FHDC1: variants seen among roughly 807,000 people sequenced by gnomAD.
The protein encoded by FHDC1 is FH2 domain containing 1, also known as FH2 domain-containing protein 1.
In FHDC1, 25 loss-of-function variants were observed where a neutral mutation model predicts 52.6. That is an observed-to-expected ratio of 0.48 (90% CI 0.35 to 0.66). The LOEUF is 0.66. FHDC1 is among the 30% of genes least tolerant of loss of function. The pLI is 0.01. For missense variants in FHDC1, 1,459 were observed against 1,452.8 expected (o/e 1.00, Z -0.07); for synonymous variants, 616 against 581.5 (o/e 1.06, Z -0.85).
intron 1 of FHDC1, among the ~76,000 whole-genome samples, chr4:152,938,386 C>A (rs1181717706): frequency 6.6e-6 from 1 of 151,896 alleles, no homozygotes; most frequent in African/African-American, 2.4e-5. Flanking sequence ...CACAGGCAGA[C>A]GGAACTCACA....
intron 4 of FHDC1, among the ~76,000 whole-genome samples, 163 bp from the exon 5 acceptor site, chr4:152,960,402 C>T (rs1740243058): frequency 6.6e-6 from 1 of 152,064 alleles, no homozygotes; most frequent in Admixed American, 6.5e-5. Flanking sequence ...TTAAAAAAAC[C>T]AAATAGCAGA....
chr4:152,920,927 A>G, the FHDC1 span, among the ~76,000 whole-genome samples: 4 of 151,740 alleles, frequency 2.6e-5, no homozygotes, highest in African/African-American at 4.8e-5. Flanking sequence ...TTGATCATAT[A>G]TAAGTTTTTT....
At chr4:152,937,209 G>C (rs989900289) in intron 1 of FHDC1, among the ~76,000 whole-genome samples, 12 of 152,076 alleles carry the variant, frequency 7.9e-5, no homozygotes, top group Admixed American at 7.2e-4. Flanking sequence ...CGGCCGTGAG[G>C]CTTTTCCCCC....
In FHDC1 at chr4:152,976,140, C is replaced by A. The variant is rs780314192; in HGVS notation, c.2849C>A (p.Thr950Lys). 7.4e-6 allele frequency: 12 copies of A among 1,611,492 alleles called. No individual in the cohort carries two copies. The highest frequency in any genetic ancestry group is 1.0e-5 in the Non-Finnish European group (12 of 1,179,224). ...CAGAACTCCGTGCGGAGGGCCTCCACAGGCGCCGAAGAGCAGAGGCTGCCG... is the reference window on the plus strand; with the variant it reads ...CAGAACTCCGTGCGGAGGGCCTCCAAAGGCGCCGAAGAGCAGAGGCTGCCG... ...SRQNSVRRASTGAEEQRLPRG... is the reference protein window; with the variant it reads ...SRQNSVRRASKGAEEQRLPRG... Residue 950 changes from threonine (T) to lysine (K), a missense_variant, in exon 12 of 12, where the codon ACA becomes AAA. Thr to Lys is a moderately conservative substitution (Grantham distance 78). Around this residue, in one of 3 missense-constraint regions of FHDC1, gnomAD observed 939 missense variants for 854.5 expected, o/e 1.10. Coordinates refer to ENST00000511601, the MANE Select transcript of FHDC1 (RefSeq NM_001371116.1).
At chr4:152,940,042 A>G (rs4405994) in intron 1 of FHDC1, among the ~76,000 whole-genome samples, 57,484 of 152,114 alleles carry the variant, frequency 0.38, 11,901 homozygotes, top group Admixed American at 0.49. Flanking sequence ...TTGCATCTCT[A>G]CTGCGGGCAG....
At chr4:152,929,310 C>G in the FHDC1 span, among the ~76,000 whole-genome samples, 1 of 152,112 alleles carries the variant, frequency 6.6e-6, no homozygotes, top group Non-Finnish European at 1.5e-5. This position sits in a 1 kb window ranked among gnomAD's most constrained non-coding sequence, Gnocchi z 4.1. Context: ...CTTGGTCTGG[C>G]TTAGTGAAAC....
intron 2 of FHDC1, among the ~76,000 whole-genome samples, chr4:152,949,127 G>T (rs11099860): frequency 0.12 from 4,059 of 34,082 alleles, 59 homozygotes; most frequent in Middle Eastern, 0.16. Context: ...ATAATAATAA[G>T]AAGAAGAAGA....
At chr4:152,958,051 G>A (rs1476834671) in intron 4 of FHDC1, among the ~76,000 whole-genome samples, 1 of 152,178 alleles carries the variant, frequency 6.6e-6, no homozygotes, top group Admixed American at 6.5e-5. Context: ...CCACCTTCTT[G>A]GTTGACTCTG....
In FHDC1 at chr4:152,975,017, C is replaced by A. The variant is rs776420223; in HGVS notation, c.1726C>A (p.Pro576Thr). ...NKFHSLPRSSPRQARPTIACL... is the reference protein window; with the variant it reads ...NKFHSLPRSSTRQARPTIACL... The stretch of plus-strand genomic sequence containing the variant: ...GTTCCACAGCCTGCCCCGGAGCAGC[C>A]CCCGGCAGGCCCGGCCCACGATAGC... Residue 576 changes from proline to threonine, a missense_variant, in exon 12 of 12, where the codon CCC (proline) becomes ACC (threonine). Coordinates refer to ENST00000511601, the MANE Select transcript of FHDC1 (RefSeq NM_001371116.1). 1 of 1,612,650 alleles carries A rather than the reference C, an allele frequency of 6.2e-7. No homozygotes were observed. The highest frequency in any genetic ancestry group is 1.1e-5 in the South Asian group (1 of 91,078).
upstream of FHDC1, among the ~76,000 whole-genome samples, chr4:152,936,028 G>A (rs1039030059): frequency 6.6e-6 from 1 of 151,904 alleles, no homozygotes; most frequent in African/African-American, 2.4e-5. Context: ...TCCGTCTCCT[G>A]CCGCCCCTAC....
upstream of FHDC1, among the ~76,000 whole-genome samples, chr4:152,934,403 A>T (rs551197668): frequency 5.3e-5 from 8 of 152,204 alleles, no homozygotes; most frequent in Non-Finnish European, 1.2e-4. Context: ...TTACAACGAT[A>T]ATATGGATTC....
At chr4:152,933,484 C>T (rs906717048), upstream of FHDC1, among the ~76,000 whole-genome samples, 18 of 151,982 alleles carry the variant, frequency 1.2e-4, no homozygotes, top group African/African-American at 4.3e-4. Context: ...TATGTAATCC[C>T]AGCACTCTGG....
At chr4:152,926,263 T>TACAC in the FHDC1 span, among the ~76,000 whole-genome samples, 1 of 37,354 alleles carries the variant, frequency 2.7e-5, no homozygotes, top group Non-Finnish European at 6.1e-5. Context: ...GCCTTTAAAA[T>TACAC]ACAGACACAC....
chr4:152,960,105 T>C (rs903413253), intron 4 of FHDC1, among the ~76,000 whole-genome samples: 27 of 152,214 alleles, frequency 1.8e-4, no homozygotes, highest in African/African-American at 5.8e-4. Context: ...CTAAGTATTT[T>C]ATATACAAAA....
intron 10 of FHDC1, among the ~76,000 whole-genome samples, chr4:152,969,862 G>A (rs1246202390): frequency 6.6e-6 from 1 of 151,920 alleles, no homozygotes; most frequent in Non-Finnish European, 1.5e-5. Context: ...GTAGCGATGG[G>A]GTTTCACCGT....
rs1359885632 is a variant in FHDC1, at chr4:152,977,750, G to A, written c.*1027G>A. The A allele has an allele frequency of 6.6e-6, 1 of 152,268 alleles. No individual in the cohort carries two copies. The highest frequency in any genetic ancestry group is 1.5e-5 in the Non-Finnish European group (1 of 68,104). 9.4% of individuals were successfully genotyped at this position (152,268 alleles called of 1,614,324 possible). ...TTACAGGTGTGAGCCACCACACTTG[G>A]CCAGTATATCCTCAGTATGAAGATA... On this transcript the variant is annotated 3_prime_UTR_variant, in exon 12 of 12. Transcript: ENST00000511601.
chr4:152,931,003 T>A, the FHDC1 span, among the ~76,000 whole-genome samples: 3,002 of 83,812 alleles, frequency 0.036, 38 homozygotes, highest in South Asian at 0.078. Context: ...ACACACTCTC[T>A]CTCTCTCTCT....
the FHDC1 span, among the ~76,000 whole-genome samples, chr4:152,926,704 C>A: frequency 7.3e-6 from 1 of 136,810 alleles, no homozygotes. Flanking sequence ...TTTTCTTTTT[C>A]AATTATGGGA....
At chr4:152,933,441 A>G (rs371733138), upstream of FHDC1, among the ~76,000 whole-genome samples, 4 of 152,300 alleles carry the variant, frequency 2.6e-5, no homozygotes, top group African/African-American at 9.6e-5. Flanking sequence ...TTGAAAAATA[A>G]GAGTCAAAGT....
Sources: gnomAD v4.1 joint callset for allele counts (sites outside exome capture counted in the v4.1 genomes callset) on GRCh38, gnomAD v4.1.1 for gene constraint, gnomAD v4.1.1 regional missense constraint, Gnocchi (gnomAD v3.1) non-coding constraint, MANE v1.5 for transcripts, NCBI Gene and HGNC (gene_info 2026-07-23, HGNC 2026-07-21) for gene names.